Variants in CDH18 observed in about 807,000 individuals in gnomAD.
CDH18 encodes the protein cadherin-18.
A neutral mutation model predicts 67.9 loss-of-function variants in CDH18; 31 were observed. The observed-to-expected ratio is 0.46, with a 90% confidence interval of 0.34 to 0.62. CDH18 has a LOEUF of 0.62. Ranked by LOEUF, CDH18 falls within the 20% of genes least tolerant of loss-of-function variation. The pLI is 0.01. For missense variants in CDH18, 890 were observed against 975.5 expected (o/e 0.91, Z 1.17); for synonymous variants, 362 against 347.2 (o/e 1.04, Z -0.48).
At chr5:20,366,245 A>AAAAT (rs1269387424) in intron 1 of CDH18, among the ~76,000 whole-genome samples, 1 of 152,164 alleles carries the variant, frequency 6.6e-6, no homozygotes, top group Non-Finnish European at 1.5e-5. Flanking sequence ...CACAGGATAG[A>AAAAT]AAATGGAGAA....
chr5:19,807,715 G>C (rs1174623736), intron 3 of CDH18, among the ~76,000 whole-genome samples: 1 of 152,066 alleles, frequency 6.6e-6, no homozygotes, highest in Non-Finnish European at 1.5e-5. Context: ...TCAGCATTTT[G>C]GCCCTGATTG....
At chr5:19,502,818 T>C in intron 11 of CDH18, 174 bp downstream of exon 11, 1 of 632,334 alleles carries the variant, frequency 1.6e-6, no homozygotes. Context: ...AAGTTATTTG[T>C]ACATATGGCT....
intron 2 of CDH18, among the ~76,000 whole-genome samples, chr5:20,061,496 ATTAGAT>A (rs1014914318): frequency 9.9e-5 from 15 of 152,188 alleles, no homozygotes; most frequent in Non-Finnish European, 1.9e-4. Flanking sequence ...TGTATAAATA[ATTAGAT>A]TTAAAGGTAG....
At chr5:20,229,724 T>G (rs983021724) in intron 2 of CDH18, among the ~76,000 whole-genome samples, 1 of 152,080 alleles carries the variant, frequency 6.6e-6, no homozygotes, top group Non-Finnish European at 1.5e-5. Context: ...ATTTTTGCCT[T>G]CTTTTTTGGA....
At chr5:20,134,136 A>T (rs1335441956) in intron 2 of CDH18, among the ~76,000 whole-genome samples, 2 of 151,988 alleles carry the variant, frequency 1.3e-5, no homozygotes, top group Non-Finnish European at 1.5e-5. Context: ...CACTAGGCTA[A>T]TTTCTGCATT....
At chr5:19,924,427 A>G (rs1241896161) in intron 2 of CDH18, among the ~76,000 whole-genome samples, 1 of 152,124 alleles carries the variant, frequency 6.6e-6, no homozygotes, top group Non-Finnish European at 1.5e-5. Flanking sequence ...ACCTGAGGTC[A>G]GGAGATCAAG....
intron 4 of CDH18, among the ~76,000 whole-genome samples, chr5:19,743,596 T>C (rs907606816): frequency 1.3e-5 from 2 of 152,148 alleles, no homozygotes; most frequent in African/African-American, 4.8e-5. Context: ...CTGCAGATCT[T>C]TGCCTATAAT....
At chr5:20,189,410 T>C (rs1405568469) in intron 2 of CDH18, among the ~76,000 whole-genome samples, 2 of 152,212 alleles carry the variant, frequency 1.3e-5, no homozygotes, top group East Asian at 3.9e-4. Context: ...AAGTTCTCTA[T>C]AATGGAAGAC....
At chr5:19,477,913 A>AT (rs1738756200) in intron 12 of CDH18, among the ~76,000 whole-genome samples, 1 of 152,118 alleles carries the variant, frequency 6.6e-6, no homozygotes, top group East Asian at 1.9e-4. Flanking sequence ...AAGCTGTAGA[A>AT]TTTTTTACAT....
intron 2 of CDH18, among the ~76,000 whole-genome samples, chr5:20,058,014 C>T (rs1171119641): frequency 2.6e-5 from 4 of 152,116 alleles, no homozygotes; most frequent in Non-Finnish European, 5.9e-5. Flanking sequence ...ACCTCTGGCC[C>T]ACTTTATTGA....
chr5:19,708,727 C>A (rs548324935), intron 5 of CDH18, among the ~76,000 whole-genome samples: 1 of 152,298 alleles, frequency 6.6e-6, no homozygotes, highest in South Asian at 2.1e-4. Context: ...GAGCCCATCC[C>A]TTTGTTTCCC....
At chr5:19,563,503 G>T (rs2149896368) in intron 8 of CDH18, among the ~76,000 whole-genome samples, 1 of 152,160 alleles carries the variant, frequency 6.6e-6, no homozygotes, top group South Asian at 2.1e-4. Flanking sequence ...TTTCAACATG[G>T]GATTGCTCAT....
intron 1 of CDH18, among the ~76,000 whole-genome samples, chr5:20,362,130 G>T (rs1227746763): frequency 1.3e-5 from 2 of 152,094 alleles, no homozygotes; most frequent in Non-Finnish European, 2.9e-5. Flanking sequence ...AGTCAGGCAG[G>T]AATCATAAAC....
At chr5:20,538,898 G>GTTGT (rs1756877744) in intron 1 of CDH18, among the ~76,000 whole-genome samples, 1 of 106,764 alleles carries the variant, frequency 9.4e-6, no homozygotes, top group African/African-American at 3.2e-5. Flanking sequence ...ATAGCCAACT[G>GTTGT]TTTTTTTTTT....
At chr5:20,086,949 T>C (rs1258166781) in intron 2 of CDH18, among the ~76,000 whole-genome samples, 2 of 152,204 alleles carry the variant, frequency 1.3e-5, no homozygotes, top group Non-Finnish European at 2.9e-5. Flanking sequence ...TCCTTAATGC[T>C]ATAGCTGCCA....
At chr5:19,973,010 G>A (rs552039332) in intron 2 of CDH18, among the ~76,000 whole-genome samples, 42 of 151,720 alleles carry the variant, frequency 2.8e-4, no homozygotes, top group African/African-American at 6.5e-4. Context: ...ACAGTTAATC[G>A]TTAATAAAAG....
At chr5:20,280,613 G>A (rs1746183423) in intron 1 of CDH18, among the ~76,000 whole-genome samples, 1 of 152,122 alleles carries the variant, frequency 6.6e-6, no homozygotes, top group African/African-American at 2.4e-5. Context: ...ATCACTGTTG[G>A]ACATTTGGGT....
intron 2 of CDH18, among the ~76,000 whole-genome samples, chr5:20,111,830 A>G (rs1747508584): frequency 6.6e-6 from 1 of 152,088 alleles, no homozygotes; most frequent in East Asian, 1.9e-4. Context: ...GGCGTGAGCC[A>G]CCACGCCCAG....
At chr5:20,130,084 A>G (rs867249664) in intron 2 of CDH18, among the ~76,000 whole-genome samples, 1 of 112,026 alleles carries the variant, frequency 8.9e-6, no homozygotes, top group Admixed American at 9.6e-5. Flanking sequence ...TGTTATTATT[A>G]TTATTATTAT....
Sources: allele counts gnomAD v4.1 joint callset (sites outside exome capture counted in the v4.1 genomes callset), GRCh38; gene constraint gnomAD v4.1.1; transcripts MANE v1.5; gene names NCBI Gene and HGNC (gene_info 2026-07-23, HGNC 2026-07-21).